Variants in DNASE2 observed in about 807,000 individuals in gnomAD.
DNASE2 encodes the protein deoxyribonuclease-2-alpha.
DNASE2 carries 26 observed loss-of-function variants against 29.8 expected under a neutral mutation model. The ratio of observed to expected loss-of-function variants is 0.87; its 90% CI spans 0.64 to 1.21. The LOEUF is 1.21. Among genes scored for constraint, DNASE2 ranks in the 50% most tolerant of loss-of-function variants. The pLI is 0.00. For synonymous variants in DNASE2, 186 were observed against 193.5 expected, an observed-to-expected ratio of 0.96 and a Z score of 0.32; for missense variants, 415 against 455.6, an observed-to-expected ratio of 0.91 and a Z score of 0.81.
Position 12,878,747 on chromosome 19 carries a change from C to G in DNASE2, c.434G>C (p.Ser145Thr), listed in dbSNP as rs530686133. Residue 145 changes from serine (S) to threonine (T), a missense_variant, in exon 4 of 6, where the codon AGC (serine) becomes ACC (threonine). Coordinates refer to ENST00000222219, the MANE Select transcript of DNASE2 (RefSeq NM_001375.3). ...FPPPASSAAY[S>T]WPHSACTYGQ... ...GTAGGTACAGGCGCTATGAGGCCAG[C>G]TGTATGCAGCAGAGGAGGCCGGTGG... The G allele has an allele frequency of 6.2e-7, 1 of 1,614,090 alleles. No homozygotes were observed. Among genetic ancestry groups the G allele is most frequent in the East Asian group, 2.2e-5 (1 of 44,876 alleles).
chr19:12,878,425 C>T lies in DNASE2; in HGVS notation c.666G>A (p.Gly222=). The T allele has an allele frequency of 1.9e-6, 3 of 1,613,312 alleles. No individual in the cohort carries two copies. The highest frequency in any genetic ancestry group is 2.5e-6 in the Non-Finnish European group (3 of 1,180,022). The stretch of plus-strand genomic sequence containing the variant: ...ACTTGGCAAAGCTCTGGAAAACAGC[C>T]CCGGCCTGGGATGTGAGTGTGATGC... The part of the protein sequence containing the change: ...NSSITLTSQA[G]AVFQSFAKFS... The change falls in exon 5 of 6, where the codon GGG becomes GGA. Residue 222 remains glycine, a synonymous_variant. Coordinates refer to ENST00000222219, the MANE Select transcript of DNASE2 (RefSeq NM_001375.3).
chr19:12,880,266 A>G (rs1203885611), intron 3 of DNASE2, among the ~76,000 whole-genome samples: 3 of 151,800 alleles, frequency 2.0e-5, no homozygotes, highest in Non-Finnish European at 4.4e-5. Context: ...ACCTTGTCTA[A>G]AAGAAAATAA....
intron 5 of DNASE2, 179 bp downstream of exon 5, chr19:12,878,203 G>A (rs1970340808): frequency 1.4e-6 from 1 of 740,622 alleles, no homozygotes; most frequent in South Asian, 1.6e-5. Flanking sequence ...CCAAGGCTCA[G>A]GTGAAGTTAT....
intron 5 of DNASE2, chr19:12,877,909 C>A (rs1970338378): frequency 7.3e-6 from 2 of 274,414 alleles, no homozygotes; most frequent in South Asian, 3.8e-5. Flanking sequence ...GCAGTGGAGT[C>A]ATTATAGCTC....
chr19:12,878,923 A>C, intron 3 of DNASE2, 89 bp from the exon 4 acceptor site: 12 of 1,479,794 alleles, frequency 8.1e-6, no homozygotes, highest in African/African-American at 1.4e-5. Context: ...CACACAGATC[A>C]CCTGAGGTCA....
At chr19:12,880,255 G>T (rs1230881664) in intron 3 of DNASE2, among the ~76,000 whole-genome samples, 1 of 151,798 alleles carries the variant, frequency 6.6e-6, no homozygotes, top group African/African-American at 2.4e-5. Flanking sequence ...GACTGGGTGA[G>T]ACCTTGTCTA....
rs757609925 is a variant in DNASE2 at position 12,878,681 on chromosome 19, A to G, written c.500T>C (p.Phe167Ser). The G allele has an allele frequency of 6.2e-7, 1 of 1,614,102 alleles. No homozygotes were observed. The highest frequency in any genetic ancestry group is 1.1e-5 in the South Asian group (1 of 91,072). ...CTGACTCGACTTACCCATCTTCGAG[A>G]ACTGAGCGAAGGGAAAAGACACACA... ...LLCVSFPFAQ[F>S]SKMGKQLTYT... Residue 167 changes from phenylalanine (F) to serine (S), a missense_variant, in exon 4 of 6, where the codon TTC becomes TCC. By Grantham distance (155) the Phe-to-Ser change is radical. Coordinates refer to ENST00000222219, the MANE Select transcript of DNASE2 (RefSeq NM_001375.3).
Position 12,876,115 on chromosome 19 carries a change from G to C in DNASE2, c.958C>G (p.Gln320Glu). Reference protein sequence around the residue: ...GDMNRNQGEEQRGGGTLCAQL... With the variant: ...GDMNRNQGEEERGGGTLCAQL... ...GCACACAGTGTGCCCCCACCCCGTT[G>C]CTCCTCTCCCTGGTTCCGATTCATG... The change falls in exon 6 of 6, where the codon CAA (glutamine) becomes GAA (glutamate). Residue 320 changes from glutamine to glutamate, a missense_variant. Gln to Glu is a conservative substitution (Grantham distance 29). Coordinates refer to ENST00000222219, the MANE Select transcript of DNASE2 (RefSeq NM_001375.3). 1.9e-6 allele frequency: 3 copies of C among 1,614,046 alleles called. No homozygotes were observed. Among genetic ancestry groups the C allele is most frequent in the Non-Finnish European group, 2.5e-6 (3 of 1,179,948 alleles).
At chr19:12,880,036 T>C (rs1970362233) in intron 3 of DNASE2, among the ~76,000 whole-genome samples, 1 of 131,252 alleles carries the variant, frequency 7.6e-6, no homozygotes, top group African/African-American at 3.0e-5. Flanking sequence ...ACTGGGGAGA[T>C]GGAGATTGCA....
intron 5 of DNASE2, 135 bp from the exon 6 acceptor site, chr19:12,876,498 C>T (rs1166926993): frequency 9.5e-6 from 13 of 1,365,754 alleles, no homozygotes; most frequent in African/African-American, 8.0e-5. Context: ...CTTGCTCTGT[C>T]GCCCAGGCTA....
chr19:12,878,789 C>T lies in DNASE2; in HGVS notation c.392G>A (p.Ser131Asn). ...DHDGGFWLVH[S>N]VPNFPPPASS... ...GGCCGGTGGAGGGAAGTTAGGTACACTGTGGACCAGCCAGAAGCCCCCATC... is the reference window on the plus strand; with the variant it reads ...GGCCGGTGGAGGGAAGTTAGGTACATTGTGGACCAGCCAGAAGCCCCCATC... The change falls in exon 4 of 6, where the codon AGT (serine) becomes AAT (asparagine). Residue 131 changes from serine (S) to asparagine (N), a missense_variant. By Grantham distance (46) the Ser-to-Asn change is conservative (BLOSUM62 1). Coordinates refer to ENST00000222219, the MANE Select transcript of DNASE2 (RefSeq NM_001375.3). The T allele has an allele frequency of 6.2e-7, 1 of 1,613,936 alleles. No individual in the cohort carries two copies. The highest frequency in any genetic ancestry group is 1.1e-5 in the South Asian group (1 of 91,074).
intron 5 of DNASE2, among the ~76,000 whole-genome samples, chr19:12,877,312 CACTT>C (rs1448432895): frequency 1.3e-5 from 2 of 151,978 alleles, no homozygotes; most frequent in Non-Finnish European, 2.9e-5. Flanking sequence ...GATCATGACT[CACTT>C]GCAGCCTCGA....
At chr19:12,878,956 A>G (rs1599597401) in intron 3 of DNASE2, 122 bp from the exon 4 acceptor site, 4 of 1,217,322 alleles carry the variant, frequency 3.3e-6, no homozygotes, top group Admixed American at 4.0e-5. Context: ...CAGCCTGGCC[A>G]ACATGGCGAA....
chr19:12,881,180 GGA>G, intron 1 of DNASE2, 28 bp from the exon 2 acceptor site: 1 of 1,611,762 alleles, frequency 6.2e-7, no homozygotes. Flanking sequence ...CACAGAAATA[GGA>G]GAGAGGGAAG....
Position 12,876,317 on chromosome 19 carries a change from C to G in DNASE2, c.756G>C (p.Gln252His). Reference protein sequence around the residue: ...WLAAALGTNLQVQFWHKTVGI... With the variant: ...WLAAALGTNLHVQFWHKTVGI... ...CTACAGTTTTGTGCCAGAACTGGAC[C>G]TGCAGGTTGGTACCAAGGGCTGCTG... is the stretch of plus-strand genomic sequence containing the variant. Residue 252 changes from glutamine to histidine, a missense_variant, in exon 6 of 6, where the codon CAG (glutamine) becomes CAC (histidine). Transcript: ENST00000222219. 1.2e-6 allele frequency: 2 copies of G among 1,614,066 alleles called. No homozygotes were observed. Among genetic ancestry groups the G allele is most frequent in the Non-Finnish European group, 1.7e-6 (2 of 1,180,032 alleles).
intron 3 of DNASE2, 31 bp downstream of exon 3, chr19:12,880,771 G>C (rs745541242): frequency 1.9e-6 from 3 of 1,613,912 alleles, no homozygotes; most frequent in Non-Finnish European, 2.5e-6. Flanking sequence ...TGGGACCCGA[G>C]TCTCTCCCCA....
In DNASE2 at chr19:12,881,130, C is replaced by G; in HGVS notation, c.109G>C (p.Ala37Pro). 4 of 1,611,936 alleles carry G rather than the reference C, an allele frequency of 2.5e-6. No individual in the cohort carries two copies. The highest frequency in any genetic ancestry group is 3.4e-6 in the Non-Finnish European group (4 of 1,180,000). The change falls in exon 2 of 6, where the codon GCT (alanine) becomes CCT (proline). Residue 37 changes from alanine (A) to proline (P), a missense_variant. By Grantham distance (27) the Ala-to-Pro change is conservative. Transcript: ENST00000222219. ...VDWFVVYKLP[A>P]LRGSGEAAQR... ...GCCGCCTCCCCGGACCCTCTAAGAG[C>G]TGGCAGCTTGTAGACCACGAACCTG...
rs947053806 is a variant in DNASE2, at chr19:12,880,668, GA to G, written c.346+133del. ...GAACTCCCACCGTCTCAAAAACAAA[GA>G]AAAAAAAAAGTTGGGGGGAATAGAT... On this transcript the variant is annotated intron_variant, in intron 3 of 5. Coordinates refer to ENST00000222219, the MANE Select transcript of DNASE2 (RefSeq NM_001375.3). The G allele has an allele frequency of 1.7e-3, 1,880 of 1,129,620 alleles. 1 individual carries two copies. Among genetic ancestry groups the G allele is most frequent in the African/African-American group, 2.6e-3 (160 of 62,194 alleles). The allele number at this position is 1,129,620 out of a possible 1,614,324, so 70.0% of individuals were successfully genotyped here.
Position 12,875,659 on chromosome 19 carries a change from G to T in DNASE2, c.*331C>A, listed in dbSNP as rs897638025. ...TCTGCCCATCTCAGCCTCCCAAAGT[G>T]CTGGGGTTACAGATGTGAGCCACTG... On this transcript the variant is annotated 3_prime_UTR_variant, in exon 6 of 6. Transcript: ENST00000222219. 1.8e-5 allele frequency: 5 copies of T among 276,170 alleles called. No individual in the cohort carries two copies. The Admixed American group carries it at 2.4e-4, about 13-fold the overall frequency. 17.1% of individuals were successfully genotyped at this position (276,170 alleles called of 1,614,324 possible).
Sources: gnomAD v4.1 joint callset for allele counts (sites outside exome capture counted in the v4.1 genomes callset) on GRCh38, gnomAD v4.1.1 for gene constraint, MANE v1.5 for transcripts, NCBI Gene and HGNC (gene_info 2026-07-23, HGNC 2026-07-21) for gene names.